The following COPZ1 variants were observed in gnomAD, a reference collection of about 807,000 sequenced individuals.
COPZ1 encodes the protein coat protein complex I subunit zeta 1, also known as coatomer subunit zeta-1.
Under a neutral mutation model 31.7 loss-of-function variants are expected in COPZ1, and 4 were observed. That is an observed-to-expected ratio of 0.13 (90% CI 0.06 to 0.29). The LOEUF is 0.29. COPZ1 is among the 10% of genes least tolerant of loss of function. COPZ1 has a pLI of 1.00. For missense variants in COPZ1, 156 were observed against 211.5 expected (o/e 0.74, Z 1.63); for synonymous variants, 74 against 79.0 (o/e 0.94, Z 0.33).
chr12:54,349,078 G>C (rs1201951070), intron 7 of COPZ1, among the ~76,000 whole-genome samples: 2 of 152,218 alleles, frequency 1.3e-5, no homozygotes, highest in Admixed American at 1.3e-4. Context: ...CATTTGCATA[G>C]TTTAATCTTC....
chr12:54,325,221 C>T, intron 1 of COPZ1, 40 bp downstream of exon 1: 3 of 1,550,340 alleles, frequency 1.9e-6, no homozygotes, highest in East Asian at 2.4e-5. Flanking sequence ...GTGGTGTCCA[C>T]AGGGGCCGGG....
At position 54,333,355 on chromosome 12, in the gene COPZ1, C is replaced by A. The variant is rs373966726; in HGVS notation, c.19-7192C>A. Among the ~76,000 whole-genome samples, 7 of 152,172 alleles carry A rather than the reference C, an allele frequency of 4.6e-5. No individual in the cohort carries two copies. In the East Asian group the frequency reaches 1.4e-3, roughly 29 times the overall value. On this transcript the variant is annotated intron_variant, in intron 1 of 8. Transcript: ENST00000262061. ...GAACCAGCATGCCTAGCCATGAAAT[C>A]ATAAAAAAATTTGTGAATGTATTTT...
chr12:54,345,325 A>C, intron 4 of COPZ1, 135 bp from the exon 5 acceptor site: 1 of 604,012 alleles, frequency 1.7e-6, no homozygotes, highest in Admixed American at 2.8e-5. Context: ...TTGTGCTCTC[A>C]CTTCCACTTT....
chr12:54,336,119 A>G (rs1020719320), intron 1 of COPZ1, among the ~76,000 whole-genome samples: 2 of 152,042 alleles, frequency 1.3e-5, no homozygotes, highest in Non-Finnish European at 2.9e-5. Context: ...CCCCAAACAT[A>G]TTCTCCCAGT....
intron 2 of COPZ1, among the ~76,000 whole-genome samples, chr12:54,341,198 T>C (rs1953967916): frequency 6.6e-6 from 1 of 152,166 alleles, no homozygotes; most frequent in African/African-American, 2.4e-5. Flanking sequence ...TGTCCATCAT[T>C]CCTGTCCCCT....
intron 1 of COPZ1, among the ~76,000 whole-genome samples, chr12:54,326,385 C>G (rs1953644656): frequency 6.7e-6 from 1 of 148,492 alleles, no homozygotes; most frequent in Non-Finnish European, 1.5e-5. Context: ...CGTAATCCAC[C>G]CGCCTCGGCC....
intron 1 of COPZ1, among the ~76,000 whole-genome samples, chr12:54,336,252 T>C (rs1042308019): frequency 6.6e-6 from 1 of 152,158 alleles, no homozygotes; most frequent in Non-Finnish European, 1.5e-5. Flanking sequence ...GACACACAAA[T>C]AGAGAGCTTT....
At chr12:54,344,248 C>T (rs1406521411) in intron 4 of COPZ1, among the ~76,000 whole-genome samples, 5 of 151,684 alleles carry the variant, frequency 3.3e-5, no homozygotes, top group South Asian at 2.1e-4. Flanking sequence ...GTCAGGAGTT[C>T]GCGACCAGGC....
chr12:54,340,230 A>G, intron 1 of COPZ1: 1 of 402,810 alleles, frequency 2.5e-6, no homozygotes, highest in African/African-American at 2.0e-5. Context: ...GGGAGAGGGT[A>G]ATTTGGAAAA....
chr12:54,348,370 T>C (rs1370981462), intron 7 of COPZ1, among the ~76,000 whole-genome samples: 1 of 152,214 alleles, frequency 6.6e-6, no homozygotes, highest in Non-Finnish European at 1.5e-5. Flanking sequence ...ATAAAGCAAC[T>C]TGAAGTTGGC....
chr12:54,350,380 G>A lies in COPZ1; in HGVS notation c.487-96G>A, dbSNP rs374386406. The A allele has an allele frequency of 3.6e-4, 344 of 942,762 alleles. No homozygotes were observed. The African/African-American group carries it at 4.2e-3, about 12-fold the overall frequency. The allele number at this position is 942,762 out of a possible 1,614,324, so 58.4% of individuals were successfully genotyped here. ...ATTTTCTATTCTCCATTCTTCTAAG[G>A]ACAGGGAAGACAAGTGAGGGGAAGG... On this transcript the variant is annotated intron_variant, in intron 8 of 8. Coordinates refer to ENST00000262061, the MANE Select transcript of COPZ1 (RefSeq NM_016057.3).
chr12:54,340,254 A>G (rs1026170059), intron 1 of COPZ1: 1 of 468,398 alleles, frequency 2.1e-6, no homozygotes, highest in Admixed American at 3.9e-5. Context: ...CTGTACCATA[A>G]TATTTGGAAA....
In COPZ1 at chr12:54,342,443, G is replaced by A. The variant is rs919681051; in HGVS notation, c.169+156G>A. 5 of 631,018 alleles carry A rather than the reference G, an allele frequency of 7.9e-6. No homozygotes were observed. In the African/African-American group the frequency reaches 9.2e-5, roughly 12 times the overall value. 39.1% of individuals were successfully genotyped at this position (631,018 alleles called of 1,614,324 possible). Reference sequence around the variant, plus strand: ...AATAAACTCTTCAGAATGTAATGGGGAGGTGAGTGTACCTCACGCGGGAAT... The same window carrying A: ...AATAAACTCTTCAGAATGTAATGGGAAGGTGAGTGTACCTCACGCGGGAAT... On this transcript the variant is annotated intron_variant, in intron 3 of 8. Transcript: ENST00000262061.
intron 1 of COPZ1, among the ~76,000 whole-genome samples, chr12:54,325,901 C>A (rs976383268): frequency 3.4e-5 from 5 of 148,340 alleles, no homozygotes; most frequent in African/African-American, 1.2e-4. Flanking sequence ...TCACTGCAAT[C>A]TCCACCTCCC....
At chr12:54,345,842 A>G (rs1462084528) in intron 5 of COPZ1, among the ~76,000 whole-genome samples, 1 of 151,708 alleles carries the variant, frequency 6.6e-6, no homozygotes, top group Non-Finnish European at 1.5e-5. Flanking sequence ...CTGTAGTCCC[A>G]GGTGCTTGGG....
In COPZ1 at chr12:54,350,875, G is replaced by C. The variant is rs1397529148; in HGVS notation, c.*352G>C. ...ACACTTCAGATTAAAGTAGGAGAAA[G>C]AATGTGCTGAGTGTTTTCCTCCCTT... On this transcript the variant is annotated 3_prime_UTR_variant, in exon 9 of 9. Transcript: ENST00000262061. 1 of 294,232 alleles carries C rather than the reference G, an allele frequency of 3.4e-6. No homozygotes were observed. Among genetic ancestry groups the C allele is most frequent in the East Asian group, 6.8e-5 (1 of 14,806 alleles). 18.2% of individuals were successfully genotyped at this position (294,232 alleles called of 1,614,324 possible).
At chr12:54,338,680 T>C (rs1953915269) in intron 1 of COPZ1, among the ~76,000 whole-genome samples, 1 of 152,220 alleles carries the variant, frequency 6.6e-6, no homozygotes, top group Non-Finnish European at 1.5e-5. Flanking sequence ...TCCTTTATTC[T>C]CTGAATTATT....
chr12:54,343,203 T>C (rs1954005079), intron 3 of COPZ1, 22 bp from the exon 4 acceptor site: 3 of 1,591,992 alleles, frequency 1.9e-6, no homozygotes, highest in Non-Finnish European at 1.7e-6. Context: ...ACCCACTATT[T>C]TTACTTTTTT....
intron 2 of COPZ1, among the ~76,000 whole-genome samples, chr12:54,341,728 T>C (rs1953976274): frequency 6.6e-6 from 1 of 152,362 alleles, no homozygotes; most frequent in Non-Finnish European, 1.5e-5. Context: ...AGATAGATCA[T>C]AGGGCAGGGT....
Sources: gnomAD v4.1 joint callset for allele counts (sites outside exome capture counted in the v4.1 genomes callset) on GRCh38, gnomAD v4.1.1 for gene constraint, MANE v1.5 for transcripts, NCBI Gene and HGNC (gene_info 2026-07-23, HGNC 2026-07-21) for gene names.